Variants in ZNF773 observed in about 807,000 individuals in gnomAD.
ZNF773 encodes zinc finger protein 419B.
ZNF773 carries 11 observed loss-of-function variants against 12.8 expected under a neutral mutation model. The observed-to-expected ratio is 0.86, with a 90% confidence interval of 0.54 to 1.42. ZNF773 has a LOEUF of 1.42. Ranked by LOEUF, ZNF773 falls within the 40% of genes most tolerant of loss-of-function variation. ZNF773 has a pLI of 0.00. For missense variants in ZNF773, 518 were observed against 527.2 expected (o/e 0.98, Z 0.17); for synonymous variants, 175 against 178.4 (o/e 0.98, Z 0.15).
rs111873015 is a variant in ZNF773 at position 57,507,421 on chromosome 19, A to G, written c.1326A>G (p.Gln442=). The G allele has an allele frequency of 5.3e-5, 84 of 1,585,418 alleles. No homozygotes were observed. Among genetic ancestry groups the G allele is most frequent in the African/African-American group, 9.5e-5 (7 of 73,692 alleles). ...GAAGGATTCACACTGGAGAAATACA[A>G]TGATTGTGAGAAATCCTTTAGCTGG... ...KHRRIHTGEI[Q] Residue 442 remains glutamine, a synonymous_variant, in exon 4 of 4, where the codon CAA becomes CAG. Coordinates refer to ENST00000282292, the MANE Select transcript of ZNF773 (RefSeq NM_198542.3).
At position 57,508,166 on chromosome 19, in the gene ZNF773, A is replaced by AAC. The variant is rs1568582531; in HGVS notation, c.*743_*744dup. On this transcript the variant is annotated 3_prime_UTR_variant, in exon 4 of 4. Coordinates refer to ENST00000282292, the MANE Select transcript of ZNF773 (RefSeq NM_198542.3). Reference sequence around the variant, plus strand: ...AAAAAAAAAAAAAAAAAACAAAAAAAACCCAGAAACTCTGAGGGTGATCTT... The same window carrying AAC: ...AAAAAAAAAAAAAAAAAACAAAAAAAACACCCAGAAACTCTGAGGGTGATCTT... 1.0e-6 allele frequency: 1 copy of AAC among 976,134 alleles called. No homozygotes were observed. Among genetic ancestry groups the AAC allele is most frequent in the African/African-American group, 1.8e-5 (1 of 54,516 alleles). 60.5% of individuals were successfully genotyped at this position (976,134 alleles called of 1,614,324 possible).
chr19:57,516,977 C>T (rs1256235598), downstream of ZNF773: 1 of 152,188 alleles, frequency 6.6e-6, no homozygotes, highest in Non-Finnish European at 1.5e-5. Context: ...ACCTTTGCCT[C>T]AATGGCATTA....
chr19:57,503,396 T>C (rs2089691251), intron 1 of ZNF773, among the ~76,000 whole-genome samples: 2 of 151,894 alleles, frequency 1.3e-5, no homozygotes, highest in Admixed American at 6.6e-5. Context: ...ATGGTGGCCA[T>C]GGGGAAAGGG....
chr19:57,504,836 C>T, intron 2 of ZNF773, 50 bp downstream of exon 2: 1 of 1,580,964 alleles, frequency 6.3e-7, no homozygotes, highest in Non-Finnish European at 8.7e-7. Flanking sequence ...CTTGGCTTTT[C>T]CTCCTTTTCC....
chr19:57,512,400 A>ATTTTTTT (rs747914066), downstream of ZNF773, among the ~76,000 whole-genome samples: 4 of 113,280 alleles, frequency 3.5e-5, no homozygotes, highest in Admixed American at 1.0e-4. Context: ...AAGATGCAGT[A>ATTTTTTT]TTTTTTTTTT....
chr19:57,506,322 A>T lies in ZNF773; in HGVS notation c.263-36A>T, dbSNP rs76225549. On this transcript the variant is annotated intron_variant, in intron 3 of 3. Transcript: ENST00000282292. ...AGAGTGCTGCCTTCTCACACCAAAG[A>T]CTACATTTACTTCATCAACATTTCT... is the stretch of plus-strand genomic sequence containing the variant. 3.8e-6 allele frequency: 6 copies of T among 1,576,560 alleles called. No individual in the cohort carries two copies. In the East Asian group the frequency reaches 1.3e-4, roughly 35 times the overall value.
downstream of ZNF773, chr19:57,515,323 T>C (rs1407367971): frequency 6.6e-6 from 1 of 152,272 alleles, no homozygotes; most frequent in East Asian, 1.9e-4. Context: ...CCCAATCTTC[T>C]CATGCATTCC....
chr19:57,504,390 A>C (rs1317520595), intron 1 of ZNF773, among the ~76,000 whole-genome samples: 2 of 152,146 alleles, frequency 1.3e-5, no homozygotes, highest in Admixed American at 6.5e-5. Context: ...GGGAAACACA[A>C]TCTGGGGGAT....
At position 57,508,107 on chromosome 19, in the gene ZNF773, C is replaced by T. The variant is rs1282830848; in HGVS notation, c.*683C>T. The T allele has an allele frequency of 2.4e-5, 22 of 919,342 alleles. No homozygotes were observed. The highest frequency in any genetic ancestry group is 6.3e-5 in the Admixed American group (1 of 15,880). The allele number at this position is 919,342 out of a possible 1,614,324, so 56.9% of individuals were successfully genotyped here. A position where few individuals can be genotyped will look rare whatever the true frequency, so the allele number is the denominator to read the frequency against. ...ATTGAGCCGAGATCACGCCACTGCA[C>T]TCCAGCTTGGGTGACAGAGTGAGAC... On this transcript the variant is annotated 3_prime_UTR_variant, in exon 4 of 4. Transcript: ENST00000282292.
At chr19:57,514,842 C>T (rs966153826), downstream of ZNF773, 2 of 152,188 alleles carry the variant, frequency 1.3e-5, no homozygotes, top group African/African-American at 4.8e-5. Context: ...CATTATCCAT[C>T]AGACAAAATT....
rs892067408 is a variant in ZNF773, at chr19:57,507,043, C to T, written c.948C>T (p.Ser316=). 4 of 1,613,612 alleles carry T rather than the reference C, an allele frequency of 2.5e-6. No individual in the cohort carries two copies. The African/African-American group carries it at 4.0e-5, about 16-fold the overall frequency. The change falls in exon 4 of 4, where the codon TCC becomes TCT. Residue 316 remains serine (S), a synonymous_variant. Transcript: ENST00000282292. ...SECGKLFSFN[S]SLMKHQRVHT... The stretch of plus-strand genomic sequence containing the variant: ...GTGGAAAATTGTTTAGTTTCAACTC[C>T]AGCCTCATGAAACATCAGAGAGTTC...
intron 3 of ZNF773, among the ~76,000 whole-genome samples, chr19:57,505,710 T>TTG (rs2089722685): frequency 1.1e-5 from 1 of 90,608 alleles, no homozygotes; most frequent in Non-Finnish European, 2.1e-5. Flanking sequence ...TTCATTCCAG[T>TTG]TGTTTTTTTT....
intron 1 of ZNF773, among the ~76,000 whole-genome samples, chr19:57,501,457 A>G (rs2089669742): frequency 6.6e-6 from 1 of 152,104 alleles, no homozygotes; most frequent in Admixed American, 6.5e-5. Context: ...TGTGTACAGT[A>G]AGAGTTGATA....
intron 3 of ZNF773, 91 bp from the exon 4 acceptor site, chr19:57,506,267 G>GCTAATTA: frequency 6.5e-7 from 1 of 1,532,984 alleles, no homozygotes; most frequent in Non-Finnish European, 8.7e-7. Context: ...AGTCCCACAC[G>GCTAATTA]CTAATTACCA....
downstream of ZNF773, among the ~76,000 whole-genome samples, chr19:57,509,815 C>G (rs1191972526): frequency 6.6e-6 from 1 of 152,078 alleles, no homozygotes; most frequent in Non-Finnish European, 1.5e-5. Context: ...ATTCCTTTTT[C>G]TTGATGGCAT....
downstream of ZNF773, chr19:57,512,988 G>A (rs762595506): frequency 2.0e-6 from 3 of 1,522,456 alleles, no homozygotes; most frequent in East Asian, 8.0e-5. Context: ...AGATCTTTTT[G>A]TCTTCATTTC....
downstream of ZNF773, chr19:57,517,950 G>A (rs565156729): frequency 1.3e-5 from 2 of 153,448 alleles, no homozygotes; most frequent in East Asian, 3.9e-4. Context: ...TCGGAATAAT[G>A]TTATTATGTT....
At chr19:57,517,386 T>C (rs2089838371), downstream of ZNF773, 1 of 152,182 alleles carries the variant, frequency 6.6e-6, no homozygotes, top group South Asian at 2.1e-4. Flanking sequence ...CTCCTTCTTA[T>C]TCAGCTTACT....
At chr19:57,518,059 CAG>C (rs1484126213), downstream of ZNF773, 3 of 153,694 alleles carry the variant, frequency 2.0e-5, no homozygotes, top group African/African-American at 7.2e-5. Flanking sequence ...AATACAAAAA[CAG>C]AAAAGGGGGG....
Sources: allele counts gnomAD v4.1 joint callset (sites outside exome capture counted in the v4.1 genomes callset), GRCh38; gene constraint gnomAD v4.1.1; transcripts MANE v1.5; gene names NCBI Gene and HGNC (gene_info 2026-07-23, HGNC 2026-07-21).